Variants in CSRNP2 observed in about 807,000 individuals in gnomAD.
The protein encoded by CSRNP2 is cysteine/serine-rich nuclear protein 2.
A neutral mutation model predicts 36.6 loss-of-function variants in CSRNP2; 11 were observed. That is an observed-to-expected ratio of 0.30 (90% CI 0.19 to 0.50). The LOEUF is 0.50. Ranked by LOEUF, CSRNP2 falls within the 20% of genes least tolerant of loss-of-function variation. CSRNP2 has a pLI of 0.98. For synonymous variants in CSRNP2, 248 were observed against 275.3 expected (o/e 0.90, Z 0.98); for missense variants, 483 against 691.4 (o/e 0.70, Z 3.38).
In CSRNP2 at chr12:51,063,201, G is replaced by GC. The variant is rs1937750991; in HGVS notation, c.*544dup. On this transcript the variant is annotated 3_prime_UTR_variant, in exon 5 of 5. Coordinates refer to ENST00000228515, the MANE Select transcript of CSRNP2 (RefSeq NM_030809.3). ...TTACCAAATATGGGATTGAAGGAAGGCAGGTTACATTTTTGTAAATCCTGG... is the reference window on the plus strand; with the variant it reads ...TTACCAAATATGGGATTGAAGGAAGGCCAGGTTACATTTTTGTAAATCCTGG... 2 of 152,158 alleles carry GC rather than the reference G, an allele frequency of 1.3e-5. No homozygotes were observed. The highest frequency in any genetic ancestry group is 4.2e-4 in the South Asian group (2 of 4,814). 9.4% of individuals were successfully genotyped at this position (152,158 alleles called of 1,614,324 possible).
intron 2 of CSRNP2, among the ~76,000 whole-genome samples, chr12:51,075,109 T>C (rs1203752528): frequency 6.6e-6 from 1 of 151,950 alleles, no homozygotes; most frequent in Admixed American, 6.6e-5. Flanking sequence ...TAACCATATT[T>C]CTTTATTTTC....
chr12:51,072,541 C>T (rs537788457), intron 3 of CSRNP2, among the ~76,000 whole-genome samples: 9 of 117,504 alleles, frequency 7.7e-5, no homozygotes, highest in South Asian at 2.8e-4. Flanking sequence ...CCAGCCTGGG[C>T]AACAGAGCTA....
intron 1 of CSRNP2, among the ~76,000 whole-genome samples, chr12:51,079,408 A>T (rs1429046201): frequency 6.6e-6 from 1 of 151,668 alleles, no homozygotes; most frequent in Non-Finnish European, 1.5e-5. Flanking sequence ...ATTCCATTCT[A>T]TTGTAGCGGG....
At position 51,076,657 on chromosome 12, in the gene CSRNP2, G is replaced by GAAAAAAA; in HGVS notation, c.-86-17_-86-11dup. On this transcript the variant is annotated splice_polypyrimidine_tract_variant and intron_variant, in intron 1 of 4. Transcript: ENST00000228515. ...CAGGTACATTAGGATTCTGCCCAGG[G>GAAAAAAA]AAAAAAAGGAATCAGCATTCCTGTC... 2 of 1,393,880 alleles carry GAAAAAAA rather than the reference G, an allele frequency of 1.4e-6. No homozygotes were observed. The highest frequency in any genetic ancestry group is 2.3e-5 in the East Asian group (1 of 43,628). The allele number at this position is 1,393,880 out of a possible 1,614,324, so 86.3% of individuals were successfully genotyped here.
intron 2 of CSRNP2, among the ~76,000 whole-genome samples, chr12:51,075,741 T>TA (rs1939370577): frequency 6.6e-6 from 1 of 152,180 alleles, no homozygotes; most frequent in Non-Finnish European, 1.5e-5. Flanking sequence ...CAAGAACTAA[T>TA]AGAGCCGTAA....
intron 1 of CSRNP2, among the ~76,000 whole-genome samples, chr12:51,079,447 T>C (rs542726769): frequency 3.3e-5 from 5 of 151,568 alleles, no homozygotes; most frequent in Admixed American, 3.3e-4. Flanking sequence ...ATTGAATGCT[T>C]ATGTGGGTGG....
chr12:51,078,991 A>G (rs926649831), intron 1 of CSRNP2, among the ~76,000 whole-genome samples: 30 of 152,244 alleles, frequency 2.0e-4, no homozygotes, highest in Non-Finnish European at 4.0e-4. Flanking sequence ...CATCAATGAT[A>G]GACTGGATTA....
Position 51,063,665 on chromosome 12 carries a change from T to TTTTTTG in CSRNP2, c.*80_*81insCAAAAA. ...ATAACATGGGAGCAGCAGCTGCTTCTACAGTTTTGTTTTGAAATGGTGTTA... is the reference window on the plus strand; with the variant it reads ...ATAACATGGGAGCAGCAGCTGCTTCTTTTTTGACAGTTTTGTTTTGAAATGGTGTTA... On this transcript the variant is annotated 3_prime_UTR_variant, in exon 5 of 5. Coordinates refer to ENST00000228515, the MANE Select transcript of CSRNP2 (RefSeq NM_030809.3). The TTTTTTG allele has an allele frequency of 9.0e-7, 1 of 1,105,920 alleles. No homozygotes were observed. Among genetic ancestry groups the TTTTTTG allele is most frequent in the African/African-American group, 1.6e-5 (1 of 63,488 alleles). 68.5% of individuals were successfully genotyped at this position (1,105,920 alleles called of 1,614,324 possible).
intron 2 of CSRNP2, among the ~76,000 whole-genome samples, chr12:51,074,868 C>T (rs1405110184): frequency 6.6e-6 from 1 of 151,926 alleles, no homozygotes; most frequent in Non-Finnish European, 1.5e-5. Flanking sequence ...AGATCAAGAC[C>T]ATCCTGGCCT....
chr12:51,075,815 G>A (rs553376871), intron 2 of CSRNP2, among the ~76,000 whole-genome samples: 3 of 152,248 alleles, frequency 2.0e-5, no homozygotes, highest in East Asian at 1.9e-4. Flanking sequence ...TTGGGAGGCC[G>A]AGGCGGGTGG....
In CSRNP2 at chr12:51,063,881, G is replaced by GA; in HGVS notation, c.1496dup (p.His500ProfsTer16). On this transcript the variant is annotated frameshift_variant, in exon 5 of 5. Transcript: ENST00000228515. LOFTEE classifies it high-confidence loss of function. ...GGCTTGAGGGGGACCAGGAAGGGTG[G>GA]AAGTCTTCATTTTCAGGCTCCTCAG... 1 of 1,614,084 alleles carries GA rather than the reference G, an allele frequency of 6.2e-7. No individual in the cohort carries two copies. The highest frequency in any genetic ancestry group is 1.1e-5 in the South Asian group (1 of 91,076).
In CSRNP2 at chr12:51,074,200, C is replaced by T. The variant is rs189678870; in HGVS notation, c.152-118G>A. The T allele has an allele frequency of 1.2e-4, 142 of 1,174,458 alleles. 1 individual carries two copies. The East Asian group carries it at 3.7e-3, about 30-fold the overall frequency. The allele number at this position is 1,174,458 out of a possible 1,614,324, so 72.8% of individuals were successfully genotyped here. On this transcript the variant is annotated intron_variant, in intron 2 of 4. Transcript: ENST00000228515. Reference sequence around the variant, plus strand: ...TGGCACTGTCTCGGCTCACTGCAGCCTCCACCTCCCGGGTTCAAGCAATTC... The same window carrying T: ...TGGCACTGTCTCGGCTCACTGCAGCTTCCACCTCCCGGGTTCAAGCAATTC...
At chr12:51,069,382 G>C (rs970640522) in intron 3 of CSRNP2, among the ~76,000 whole-genome samples, 1 of 149,400 alleles carries the variant, frequency 6.7e-6, no homozygotes, top group African/African-American at 2.5e-5. Flanking sequence ...TGCCTCCTGG[G>C]TTCAAGTGAT....
intron 1 of CSRNP2, 152 bp from the exon 2 acceptor site, chr12:51,076,799 T>G (rs1267649827): frequency 2.1e-6 from 1 of 480,616 alleles, no homozygotes; most frequent in Non-Finnish European, 3.8e-6. Context: ...TGGCCAACAT[T>G]CTCCTACTTT....
Position 51,062,468 on chromosome 12 carries a change from C to T in CSRNP2, c.*1278G>A, listed in dbSNP as rs758254316. On this transcript the variant is annotated 3_prime_UTR_variant, in exon 5 of 5. Transcript: ENST00000228515. The stretch of plus-strand genomic sequence containing the variant: ...CACAGGATGAACAGGAACTGTATTC[C>T]TCCTGACAGAGGTAAGAACTGAATC... 1 of 152,204 alleles carries T rather than the reference C, an allele frequency of 6.6e-6. No individual in the cohort carries two copies. The highest frequency in any genetic ancestry group is 1.5e-5 in the Non-Finnish European group (1 of 68,038). The allele number at this position is 152,204 out of a possible 1,614,324, so 9.4% of individuals were successfully genotyped here.
At position 51,064,217 on chromosome 12, in the gene CSRNP2, T is replaced by TG; in HGVS notation, c.1160dup (p.Gly388ArgfsTer76). On this transcript the variant is annotated frameshift_variant, in exon 5 of 5. Transcript: ENST00000228515. LOFTEE classifies it high-confidence loss of function. ...CGGTAAAACACAGGACAGAGGAGCC[T>TG]GGGGGCAGCTGAGCCTGGATGAGAA... 1 of 1,613,786 alleles carries TG rather than the reference T, an allele frequency of 6.2e-7. No homozygotes were observed. The highest frequency in any genetic ancestry group is 8.5e-7 in the Non-Finnish European group (1 of 1,179,904).
At chr12:51,069,274 TTCCTTC>T (rs1938791921) in intron 3 of CSRNP2, among the ~76,000 whole-genome samples, 1 of 149,700 alleles carries the variant, frequency 6.7e-6, no homozygotes, top group Non-Finnish European at 1.5e-5. Flanking sequence ...CGTGCCCGGC[TTCCTTC>T]TCCTTTCTTT....
chr12:51,063,547 G>C lies in CSRNP2; in HGVS notation c.*199C>G. On this transcript the variant is annotated 3_prime_UTR_variant, in exon 5 of 5. Coordinates refer to ENST00000228515, the MANE Select transcript of CSRNP2 (RefSeq NM_030809.3). ...TTTCTTTGCCCCAAGACTATCCCCA[G>C]ATCAAGGTAGGGCTGGTCTCCTTGG... 2.3e-6 allele frequency: 1 copy of C among 432,642 alleles called. No individual in the cohort carries two copies. Among genetic ancestry groups the C allele is most frequent in the Non-Finnish European group, 4.1e-6 (1 of 246,474 alleles). 26.8% of individuals were successfully genotyped at this position (432,642 alleles called of 1,614,324 possible).
chr12:51,075,834 T>C (rs1426621447), intron 2 of CSRNP2, among the ~76,000 whole-genome samples: 1 of 151,970 alleles, frequency 6.6e-6, no homozygotes, highest in Non-Finnish European at 1.5e-5. Flanking sequence ...GGGTCACCTG[T>C]GGTCAGGAGT....
Sources: gnomAD v4.1 joint callset for allele counts (sites outside exome capture counted in the v4.1 genomes callset) on GRCh38, gnomAD v4.1.1 for gene constraint, MANE v1.5 for transcripts, NCBI Gene and HGNC (gene_info 2026-07-23, HGNC 2026-07-21) for gene names.